PCDHA2: variants seen among roughly 807,000 people sequenced by gnomAD.
PCDHA2 encodes the protein protocadherin alpha-2.
Under a neutral mutation model 66.0 loss-of-function variants are expected in PCDHA2, and 58 were observed. The observed-to-expected ratio is 0.88, with a 90% CI of 0.71 to 1.09. The LOEUF (loss-of-function observed/expected upper bound fraction) is 1.09. Among genes scored for constraint, PCDHA2 ranks in the 50% least tolerant of loss-of-function variants. The probability of loss-of-function intolerance (pLI) is 0.00; values close to 1 mark genes in which losing one functional copy is unlikely to be tolerated. For missense variants in PCDHA2, 1,267 were observed against 1,242.3 expected, an observed-to-expected ratio of 1.02 and a Z score of -0.30; for synonymous variants, 634 against 554.0, an observed-to-expected ratio of 1.14 and a Z score of -2.03.
At chr5:140,874,144 T>A (rs1554167057) in intron 1 of PCDHA2, among the ~76,000 whole-genome samples, 1 of 152,244 alleles carries the variant, frequency 6.6e-6, no homozygotes, top group Non-Finnish European at 1.5e-5. Context: ...CTTATACTTG[T>A]AGAGCCATTC....
rs782453395 is a variant in PCDHA2 at position 140,875,890 on chromosome 5, G to T, written c.2388+78538G>T. 79 of 1,614,062 alleles carry T rather than the reference G, an allele frequency of 4.9e-5. No homozygotes were observed. Among genetic ancestry groups the T allele is most frequent in the Non-Finnish European group, 5.9e-5 (70 of 1,180,034 alleles). On this transcript the variant is annotated intron_variant, in intron 1 of 3. Coordinates refer to ENST00000526136, the MANE Select transcript of PCDHA2 (RefSeq NM_018905.3). ...GGTGTTCAGAGAAAGGGAACAAAAG[G>T]TACCTGTTTCTGAATCTGCGCCTCT...
intron 1 of PCDHA2, among the ~76,000 whole-genome samples, chr5:140,888,420 C>T (rs947790198): frequency 3.3e-5 from 5 of 152,130 alleles, no homozygotes; most frequent in African/African-American, 4.8e-5. Context: ...AACATCCTAC[C>T]GTGCACAGGA....
intron 1 of PCDHA2, among the ~76,000 whole-genome samples, chr5:140,874,129 G>A (rs1400596915): frequency 6.6e-6 from 1 of 151,518 alleles, no homozygotes; most frequent in African/African-American, 2.5e-5. Context: ...GTTTATTTAA[G>A]TTATCTTATA....
At chr5:140,876,048 T>G in intron 1 of PCDHA2, 1 of 1,613,930 alleles carries the variant, frequency 6.2e-7, no homozygotes, top group Non-Finnish European at 8.5e-7. Context: ...GTATATTGCC[T>G]GAATTAGTTC....
At chr5:140,993,464 A>T (rs1309811031) in intron 3 of PCDHA2, among the ~76,000 whole-genome samples, 11 of 28,960 alleles carry the variant, frequency 3.8e-4, no homozygotes, top group South Asian at 2.7e-3. Flanking sequence ...TTTCTTTCTC[A>T]CACACACACA....
At chr5:140,962,270 A>T (rs2095668540) in intron 1 of PCDHA2, among the ~76,000 whole-genome samples, 1 of 152,210 alleles carries the variant, frequency 6.6e-6, no homozygotes, top group African/African-American at 2.4e-5. Context: ...TTTATAATTT[A>T]AAAAACCTCA....
chr5:140,843,328 G>T lies in PCDHA2; in HGVS notation c.2388+45976G>T, dbSNP rs2150357585. On this transcript the variant is annotated intron_variant, in intron 1 of 3. Coordinates refer to ENST00000526136, the MANE Select transcript of PCDHA2 (RefSeq NM_018905.3). ...CCACGGCCACGGTTCTGGTGTCGCT[G>T]GTGGAGAGCGGCCAGGCTCCAAAAG... 18 of 1,595,922 alleles carry T rather than the reference G, an allele frequency of 1.1e-5. 1 individual carries two copies. The South Asian group carries it at 1.7e-4, about 15-fold the overall frequency.
chr5:140,835,687 T>G (rs1773843865), intron 1 of PCDHA2: 1 of 1,613,786 alleles, frequency 6.2e-7, no homozygotes, highest in Admixed American at 1.7e-5. Context: ...TCGCCTTCTC[T>G]GTGGGCCACT....
chr5:140,937,317 G>C (rs1282380622), intron 1 of PCDHA2, among the ~76,000 whole-genome samples: 1 of 152,048 alleles, frequency 6.6e-6, no homozygotes, highest in Non-Finnish European at 1.5e-5. Context: ...GATTACAGGC[G>C]TGAGCCACCG....
Position 140,795,331 on chromosome 5 carries a change from G to T in PCDHA2, c.367G>T (p.Val123Leu). 6.2e-7 allele frequency: 1 copy of T among 1,614,240 alleles called. No homozygotes were observed. The highest frequency in any genetic ancestry group is 8.5e-7 in the Non-Finnish European group (1 of 1,180,040). ...PLQVFHVEVEVKDINDNPPIF... is the reference protein window; with the variant it reads ...PLQVFHVEVELKDINDNPPIF... Reference sequence around the variant, plus strand: ...GCAGGTTTTCCATGTGGAAGTGGAGGTGAAGGACATTAACGACAACCCGCC... The same window carrying T: ...GCAGGTTTTCCATGTGGAAGTGGAGTTGAAGGACATTAACGACAACCCGCC... The change falls in exon 1 of 4, where the codon GTG (valine) becomes TTG (leucine). Residue 123 changes from valine (V) to leucine (L), a missense_variant. By Grantham distance (32) the Val-to-Leu change is conservative (BLOSUM62 1). Transcript: ENST00000526136.
intron 1 of PCDHA2, among the ~76,000 whole-genome samples, chr5:140,978,306 A>C (rs2096795659): frequency 6.6e-6 from 1 of 152,230 alleles, no homozygotes; most frequent in Non-Finnish European, 1.5e-5. Flanking sequence ...GCACTCAGGA[A>C]GGAGCAGGAA....
At chr5:140,965,109 C>T (rs940351305) in intron 1 of PCDHA2, among the ~76,000 whole-genome samples, 3 of 152,168 alleles carry the variant, frequency 2.0e-5, no homozygotes, top group African/African-American at 7.2e-5. Context: ...GAAAATGACC[C>T]ATAGAGGAAG....
At chr5:140,801,224 T>C in intron 1 of PCDHA2, 1 of 1,610,994 alleles carries the variant, frequency 6.2e-7, no homozygotes, top group Non-Finnish European at 8.5e-7. Flanking sequence ...GAGAAGATCC[T>C]GGAGCCCAGT....
chr5:140,877,867 T>A lies in PCDHA2; in HGVS notation c.2388+80515T>A, dbSNP rs782120587. 4.7e-6 allele frequency: 7 copies of A among 1,490,888 alleles called. No individual in the cohort carries two copies. The Admixed American group carries it at 1.7e-4, about 37-fold the overall frequency. 92.4% of individuals were successfully genotyped at this position (1,490,888 alleles called of 1,614,324 possible). A position where few individuals can be genotyped will look rare whatever the true frequency, so the allele number is the denominator to read the frequency against. On this transcript the variant is annotated intron_variant, in intron 1 of 3. Coordinates refer to ENST00000526136, the MANE Select transcript of PCDHA2 (RefSeq NM_018905.3). ...AAGTTATTAATATTATTTAGATATA[T>A]TTGTTTCCTTGAAGAACTTCCGTTT...
Position 141,011,113 on chromosome 5 carries a change from GAAAC to G in PCDHA2, c.*1179_*1182del, listed in dbSNP as rs1378492452. 6.5e-6 allele frequency: 1 copy of G among 153,504 alleles called. No homozygotes were observed. The highest frequency in any genetic ancestry group is 2.4e-5 in the African/African-American group (1 of 41,342). 9.5% of individuals were successfully genotyped at this position (153,504 alleles called of 1,614,324 possible). A position where few individuals can be genotyped will look rare whatever the true frequency, so the allele number is the denominator to read the frequency against. ...TTCTCTCTCTCTCTCTCTTTTCTAA[GAAAC>G]AATTATGTGCACTTTGATACACAAC... On this transcript the variant is annotated 3_prime_UTR_variant, in exon 4 of 4. Coordinates refer to ENST00000526136, the MANE Select transcript of PCDHA2 (RefSeq NM_018905.3).
chr5:140,960,428 A>T (rs1317168418), intron 1 of PCDHA2, among the ~76,000 whole-genome samples: 3 of 152,178 alleles, frequency 2.0e-5, no homozygotes, highest in Non-Finnish European at 4.4e-5. Context: ...CAATTACTTG[A>T]TACTCTAGAT....
chr5:140,932,373 A>T (rs927239233), intron 1 of PCDHA2, among the ~76,000 whole-genome samples: 1 of 151,942 alleles, frequency 6.6e-6, no homozygotes, highest in Non-Finnish European at 1.5e-5. Flanking sequence ...AAATTTCCAC[A>T]TGAAAGTTAT....
At chr5:140,805,917 G>A (rs972152545) in intron 1 of PCDHA2, among the ~76,000 whole-genome samples, 2 of 152,204 alleles carry the variant, frequency 1.3e-5, no homozygotes, top group African/African-American at 4.8e-5. Flanking sequence ...TAAATATTTA[G>A]GAAATATTAG....
At chr5:140,838,604 C>T (rs1335900872) in intron 1 of PCDHA2, among the ~76,000 whole-genome samples, 1 of 151,900 alleles carries the variant, frequency 6.6e-6, no homozygotes, top group Non-Finnish European at 1.5e-5. Flanking sequence ...ATTGTCTAGA[C>T]TTTTAAAAAT....
Sources: allele counts gnomAD v4.1 joint callset (sites outside exome capture counted in the v4.1 genomes callset), GRCh38; gene constraint gnomAD v4.1.1; transcripts MANE v1.5; gene names NCBI Gene and HGNC (gene_info 2026-07-23, HGNC 2026-07-21).